The following ESYT1 variants were observed in gnomAD, a reference collection of about 807,000 sequenced individuals.
The protein encoded by ESYT1 is extended synaptotagmin 1.
In ESYT1, 116 loss-of-function variants were observed where a neutral mutation model predicts 154.2. The ratio of observed to expected loss-of-function variants is 0.75; its 90% confidence interval spans 0.65 to 0.88. The LOEUF (loss-of-function observed/expected upper bound fraction) is 0.88. Among genes scored for constraint, ESYT1 ranks in the 40% least tolerant of loss-of-function variants. The probability of loss-of-function intolerance (pLI) is 0.00; values close to 1 mark genes in which losing one functional copy is unlikely to be tolerated. For missense variants in ESYT1, 1,264 were observed against 1,379.3 expected (o/e 0.92, Z 1.32); for synonymous variants, 500 against 539.9 (o/e 0.93, Z 1.02).
chr12:56,132,765 TCGA>T lies in ESYT1; in HGVS notation c.1210_1212del (p.Asp404del). On this transcript the variant is annotated inframe_deletion, in exon 10 of 31. Coordinates refer to ENST00000394048, the MANE Select transcript of ESYT1 (RefSeq NM_015292.3). ...GGGCAGGAGATTGAAGTGGAGGTGTTCGACAAGGATCCAGATAAAGATGACTTT... is the reference window on the plus strand; with the variant it reads ...GGGCAGGAGATTGAAGTGGAGGTGTTCAAGGATCCAGATAAAGATGACTTT... 1 of 1,614,072 alleles carries T rather than the reference TCGA, an allele frequency of 6.2e-7. No homozygotes were observed. Among genetic ancestry groups the T allele is most frequent in the Non-Finnish European group, 8.5e-7 (1 of 1,180,006 alleles).
Position 56,142,351 on chromosome 12 carries a change from G to T in ESYT1, c.2659G>T (p.Asp887Tyr). The T allele has an allele frequency of 6.2e-7, 1 of 1,614,142 alleles. No homozygotes were observed. Among genetic ancestry groups the T allele is most frequent in the South Asian group, 1.1e-5 (1 of 91,072 alleles). ...SLPLSELLVA[D>Y]QLCLDRWFTL... Reference sequence around the variant, plus strand: ...GCCCCTCTCAGAGCTCCTCGTGGCTGACCAGCTCTGCTTGGACCGCTGGTT... The same window carrying T: ...GCCCCTCTCAGAGCTCCTCGTGGCTTACCAGCTCTGCTTGGACCGCTGGTT... Residue 887 changes from aspartate (D) to tyrosine (Y), a missense_variant, in exon 25 of 31, where the codon GAC becomes TAC. Transcript: ENST00000394048. This position sits in a 1 kb window ranked among gnomAD's most constrained non-coding sequence, Gnocchi z 4.1.
At chr12:56,139,919 G>A (rs555034101) in intron 24 of ESYT1, among the ~76,000 whole-genome samples, 4 of 151,138 alleles carry the variant, frequency 2.6e-5, no homozygotes, top group African/African-American at 4.9e-5. Context: ...TTACTCTGTC[G>A]CCCAGGCTGG....
intron 15 of ESYT1, among the ~76,000 whole-genome samples, chr12:56,135,031 A>G (rs549352971): frequency 4.6e-5 from 7 of 152,064 alleles, no homozygotes; most frequent in African/African-American, 1.7e-4. Context: ...CTGAATGTTA[A>G]CAATTTTATT....
rs368157701 is a variant in ESYT1, at chr12:56,138,078, A to G, written c.2247+4A>G. On this transcript the variant is annotated splice_donor_region_variant and intron_variant, in intron 20 of 30. Coordinates refer to ENST00000394048, the MANE Select transcript of ESYT1 (RefSeq NM_015292.3). ...AAACAGTGGCTTCCTTGATGAGGTGAGCATTGAATTAGAGTCAACAACCCC... is the reference window on the plus strand; with the variant it reads ...AAACAGTGGCTTCCTTGATGAGGTGGGCATTGAATTAGAGTCAACAACCCC... 3.7e-6 allele frequency: 6 copies of G among 1,614,128 alleles called. No individual in the cohort carries two copies. Among genetic ancestry groups the G allele is most frequent in the Middle Eastern group, 1.6e-4 (1 of 6,062 alleles).
At position 56,133,434 on chromosome 12, in the gene ESYT1, G is replaced by T; in HGVS notation, c.1262G>T (p.Gly421Val). Residue 421 changes from glycine to valine, a missense_variant, in exon 11 of 31, where the codon GGG (glycine) becomes GTG (valine). Transcript: ENST00000394048. ...DFLGRMKLDV[G>V]KVLQASVLDD... ...ACCCTCAGAATGAAGCTGGATGTAG[G>T]GAAGGTGTTACAGGCTAGCGTTCTG... is the stretch of plus-strand genomic sequence containing the variant. The T allele has an allele frequency of 1.2e-6, 2 of 1,614,182 alleles. No homozygotes were observed. The highest frequency in any genetic ancestry group is 3.3e-4 in the Middle Eastern group (2 of 6,062).
chr12:56,142,481 G>A lies in ESYT1; in HGVS notation c.2733+56G>A. The A allele has an allele frequency of 1.2e-6, 2 of 1,607,502 alleles. No homozygotes were observed. Among genetic ancestry groups the A allele is most frequent in the South Asian group, 1.1e-5 (1 of 90,560 alleles). ...GAGGGAGGAGGGGAGGGCCTTCACA[G>A]GTGAGGGACACCCAGGAGGGTGGGA... On this transcript the variant is annotated intron_variant, in intron 25 of 30. Transcript: ENST00000394048. This position sits in a 1 kb window ranked among gnomAD's most constrained non-coding sequence, Gnocchi z 4.1.
chr12:56,143,139 T>C lies in ESYT1; in HGVS notation c.3110T>C (p.Phe1037Ser). 1 of 1,614,088 alleles carries C rather than the reference T, an allele frequency of 6.2e-7. No homozygotes were observed. The highest frequency in any genetic ancestry group is 8.5e-7 in the Non-Finnish European group (1 of 1,180,012). Reference protein sequence around the residue: ...SQKKRTLSPEFNERFEWELPL... With the variant: ...SQKKRTLSPESNERFEWELPL... ...AAGAAGAGGACCCTGAGTCCTGAAT[T>C]TAATGAACGGTCAGTCAGTGGGCAT... The change falls in exon 28 of 31, where the codon TTT becomes TCT. Residue 1037 changes from phenylalanine (F) to serine (S), a missense_variant. Physicochemically the swap from Phe to Ser is radical, Grantham distance 155 (BLOSUM62 -2). Coordinates refer to ENST00000394048, the MANE Select transcript of ESYT1 (RefSeq NM_015292.3).
At chr12:56,135,335 A>G (rs1870405749) in intron 15 of ESYT1, among the ~76,000 whole-genome samples, 1 of 149,942 alleles carries the variant, frequency 6.7e-6, no homozygotes, top group Non-Finnish European at 1.5e-5. Flanking sequence ...TGCCTGGCTA[A>G]TTTTTTTTGT....
In ESYT1 at chr12:56,142,028, G is replaced by A. The variant is rs1870718083; in HGVS notation, c.2593-257G>A. 2.0e-5 allele frequency among the ~76,000 whole-genome samples: 3 copies of A among 151,610 alleles called. No homozygotes were observed. In the South Asian group the frequency reaches 6.2e-4, roughly 31 times the overall value. On this transcript the variant is annotated intron_variant, in intron 24 of 30. Coordinates refer to ENST00000394048, the MANE Select transcript of ESYT1 (RefSeq NM_015292.3). This position sits in a 1 kb window ranked among gnomAD's most constrained non-coding sequence, Gnocchi z 4.1. ...CAGGAGAATCGCTTGAACCTGGGAG[G>A]CGGAGGTTGCGGTGAGACCAGATCA... is the stretch of plus-strand genomic sequence containing the variant.
Position 56,134,355 on chromosome 12 carries a change from C to CCAA in ESYT1, c.1561_1563dup (p.Asn521dup), listed in dbSNP as rs1159133827. ...CTACATCTCCAGGCTGTCTACAGTA[C>CCAA]CAACTGCCCAGTGTGGGAGGAAGCG... On this transcript the variant is annotated inframe_insertion, in exon 15 of 31. Coordinates refer to ENST00000394048, the MANE Select transcript of ESYT1 (RefSeq NM_015292.3). 13 of 1,613,962 alleles carry CCAA rather than the reference C, an allele frequency of 8.1e-6. No homozygotes were observed. Among genetic ancestry groups the CCAA allele is most frequent in the Non-Finnish European group, 1.0e-5 (12 of 1,179,978 alleles).
Position 56,137,218 on chromosome 12 carries a change from A to G in ESYT1, c.1783A>G (p.Ile595Val). 2 of 1,614,058 alleles carry G rather than the reference A, an allele frequency of 1.2e-6. No individual in the cohort carries two copies. ...TTCAGCATCATACTACCCTTCCTAG[A>G]TCCTGTACTTGGATTCATCAGAAAT... is the stretch of plus-strand genomic sequence containing the variant. ...SRLYMKLVMR[I>V]LYLDSSEICF... is the part of the protein sequence containing the mutation. Residue 595 changes from isoleucine to valine, a missense_variant and splice_region_variant, in exon 17 of 31, where the codon ATC becomes GTC. By Grantham distance (29) the Ile-to-Val change is conservative (BLOSUM62 3). Transcript: ENST00000394048.
Position 56,132,531 on chromosome 12 carries a change from T to A in ESYT1, c.1095T>A (p.Gly365=), listed in dbSNP as rs1293903231. Residue 365 remains glycine, a synonymous_variant, in exon 9 of 31, where the codon GGT becomes GGA. Coordinates refer to ENST00000394048, the MANE Select transcript of ESYT1 (RefSeq NM_015292.3). ...KSDPYALVRL[G]TQTFCSRVID... is the part of the protein sequence containing the mutation. ...ACCCATATGCACTTGTGCGTTTGGGTACCCAGACATTCTGCAGTCGTGTCA... is the reference window on the plus strand; with the variant it reads ...ACCCATATGCACTTGTGCGTTTGGGAACCCAGACATTCTGCAGTCGTGTCA... The A allele has an allele frequency of 6.2e-7, 1 of 1,614,204 alleles. No individual in the cohort carries two copies. The highest frequency in any genetic ancestry group is 2.2e-5 in the East Asian group (1 of 44,886).
Position 56,142,062 on chromosome 12 carries a change from A to G in ESYT1, c.2593-223A>G, listed in dbSNP as rs1192256088. 6.6e-6 allele frequency among the ~76,000 whole-genome samples: 1 copy of G among 150,734 alleles called. No homozygotes were observed. The highest frequency in any genetic ancestry group is 1.5e-5 in the Non-Finnish European group (1 of 67,786). ...GCGGTGAGACCAGATCACGCCATGC[A>G]CTCCAGCCTGGGCAACAAGAGCGAA... On this transcript the variant is annotated intron_variant, in intron 24 of 30. Coordinates refer to ENST00000394048, the MANE Select transcript of ESYT1 (RefSeq NM_015292.3). This position sits in a 1 kb window ranked among gnomAD's most constrained non-coding sequence, Gnocchi z 4.1.
chr12:56,132,327 C>T lies in ESYT1; in HGVS notation c.979C>T (p.Pro327Ser). 2 of 1,614,130 alleles carry T rather than the reference C, an allele frequency of 1.2e-6. No homozygotes were observed. Among genetic ancestry groups the T allele is most frequent in the Non-Finnish European group, 8.5e-7 (1 of 1,180,028 alleles). ...TGTGGCTCAGTTGCGTTCCCCTCTGCCCAGGGTATGGCCTTTCCCCCACTA... is the reference window on the plus strand; with the variant it reads ...TGTGGCTCAGTTGCGTTCCCCTCTGTCCAGGGTATGGCCTTTCCCCCACTA... The part of the protein sequence containing the change: ...QDVAQLRSPL[P>S]RGIIRIHLLA... The change falls in exon 8 of 31, where the codon CCC (proline) becomes TCC (serine). Residue 327 changes from proline (P) to serine (S), a missense_variant. By Grantham distance (74) the Pro-to-Ser change is moderately conservative. Coordinates refer to ENST00000394048, the MANE Select transcript of ESYT1 (RefSeq NM_015292.3).
intron 24 of ESYT1, among the ~76,000 whole-genome samples, chr12:56,140,892 G>A (rs1030764413): frequency 2.6e-5 from 4 of 152,152 alleles, no homozygotes; most frequent in Admixed American, 1.3e-4. Flanking sequence ...ACTAACTCTG[G>A]GGTTTTTGGC....
At position 56,136,892 on chromosome 12, in the gene ESYT1, G is replaced by C. The variant is rs1023401304; in HGVS notation, c.1781G>C (p.Arg594Thr). The C allele has an allele frequency of 2.5e-6, 4 of 1,592,608 alleles. No individual in the cohort carries two copies. The highest frequency in any genetic ancestry group is 3.4e-6 in the Non-Finnish European group (4 of 1,168,030). The change falls in exon 16 of 31, where the codon AGG (arginine) becomes ACG (threonine). Residue 594 changes from arginine to threonine, a missense_variant and splice_region_variant. By Grantham distance (71) the Arg-to-Thr change is moderately conservative. Coordinates refer to ENST00000394048, the MANE Select transcript of ESYT1 (RefSeq NM_015292.3). ...AGACTCTATATGAAACTAGTCATGA[G>C]GGTATGGAAATAGAGGAGGTACTGA... ...NSRLYMKLVM[R>T]ILYLDSSEIC...
Position 56,138,956 on chromosome 12 carries a change from G to A in ESYT1, c.2535G>A (p.Trp845Ter), listed in dbSNP as rs1279817114. 1.2e-6 allele frequency: 2 copies of A among 1,614,104 alleles called. No individual in the cohort carries two copies. The highest frequency in any genetic ancestry group is 2.2e-5 in the South Asian group (2 of 91,088). ...TTTCGCAAACTTCAGCCCCTGTCTG[G>A]GATGAGAGTGCCTCCTTTCTCATCA... ...KTISQTSAPV[W>*]DESASFLIRK... Residue 845 changes from tryptophan (W) to a stop codon, truncating the protein, a stop_gained, in exon 24 of 31, where the codon TGG becomes TGA. Transcript: ENST00000394048. LOFTEE classifies it high-confidence loss of function.
At chr12:56,139,303 A>C (rs1224309788) in intron 24 of ESYT1, among the ~76,000 whole-genome samples, 1 of 151,708 alleles carries the variant, frequency 6.6e-6, no homozygotes, top group Non-Finnish European at 1.5e-5. Context: ...GTAGAGATGG[A>C]GTTTCACCAT....
intron 24 of ESYT1, among the ~76,000 whole-genome samples, chr12:56,139,741 G>A (rs966961963): frequency 1.5e-4 from 22 of 151,462 alleles, no homozygotes; most frequent in Non-Finnish European, 2.7e-4. Context: ...GATTACATGC[G>A]CGTGCCACCA....
Sources: gnomAD v4.1 joint callset for allele counts (sites outside exome capture counted in the v4.1 genomes callset) on GRCh38, gnomAD v4.1.1 for gene constraint, Gnocchi (gnomAD v3.1) non-coding constraint, MANE v1.5 for transcripts, NCBI Gene and HGNC (gene_info 2026-07-23, HGNC 2026-07-21) for gene names.